ATRNL1: variants seen among roughly 807,000 people sequenced by gnomAD.
ATRNL1 encodes attractin-like protein 1.
ATRNL1 carries 95 observed loss-of-function variants against 182.7 expected under a neutral mutation model. That is an observed-to-expected ratio of 0.52 (90% CI 0.44 to 0.62). The LOEUF (loss-of-function observed/expected upper bound fraction) is 0.62, where lower values mean the gene tolerates loss of function less well. Among genes scored for constraint, ATRNL1 ranks in the 20% least tolerant of loss-of-function variants. The pLI is 0.00. For missense variants in ATRNL1, 1,471 were observed against 1,679.5 expected, an observed-to-expected ratio of 0.88 and a Z score of 2.17; for synonymous variants, 576 against 568.3, an observed-to-expected ratio of 1.01 and a Z score of -0.19.
chr10:115,227,730 G>A (rs1485301085), intron 9 of ATRNL1, among the ~76,000 whole-genome samples: 1 of 152,148 alleles, frequency 6.6e-6, no homozygotes, highest in East Asian at 1.9e-4. Flanking sequence ...GGAATGTTAT[G>A]CAGTCATAAA....
chr10:115,611,796 T>C (rs1389665479), intron 26 of ATRNL1, among the ~76,000 whole-genome samples: 1 of 152,168 alleles, frequency 6.6e-6, no homozygotes, highest in Non-Finnish European at 1.5e-5. Context: ...GTAGGGAATT[T>C]TATTGACGGG....
chr10:115,336,721 T>G (rs1396065733), intron 19 of ATRNL1, among the ~76,000 whole-genome samples: 2 of 152,276 alleles, frequency 1.3e-5, no homozygotes, highest in Non-Finnish European at 2.9e-5. Flanking sequence ...TTACTTAATA[T>G]ATTTCTGTTG....
chr10:115,127,371 G>A (rs1268160069), intron 3 of ATRNL1, among the ~76,000 whole-genome samples: 3 of 152,094 alleles, frequency 2.0e-5, no homozygotes, highest in Non-Finnish European at 4.4e-5. Context: ...AAAAAATGGG[G>A]TACAGTGGCA....
At chr10:115,923,128 T>C (rs1387949036) in intron 28 of ATRNL1, among the ~76,000 whole-genome samples, 3 of 152,202 alleles carry the variant, frequency 2.0e-5, no homozygotes, top group African/African-American at 7.2e-5. Flanking sequence ...GTGTTTCTAA[T>C]GATAGTGAAG....
At chr10:115,852,377 T>C (rs2907531) in intron 28 of ATRNL1, among the ~76,000 whole-genome samples, 117,872 of 152,070 alleles carry the variant, frequency 0.78, 45,748 homozygotes, top group Admixed American at 0.83. Context: ...AGTTTACTCA[T>C]GGTGTCATGG....
At chr10:115,590,863 A>C (rs1229510767) in intron 26 of ATRNL1, among the ~76,000 whole-genome samples, 6 of 152,160 alleles carry the variant, frequency 3.9e-5, no homozygotes, top group African/African-American at 1.4e-4. Flanking sequence ...AGGTTTCACC[A>C]TCCCTCTTCC....
chr10:115,456,585 T>C (rs1055215870), intron 21 of ATRNL1, among the ~76,000 whole-genome samples: 2 of 152,182 alleles, frequency 1.3e-5, no homozygotes, highest in Non-Finnish European at 2.9e-5. Flanking sequence ...TATACCTATG[T>C]TACAAACCTG....
At chr10:115,608,725 A>G (rs1038868884) in intron 26 of ATRNL1, among the ~76,000 whole-genome samples, 2 of 152,088 alleles carry the variant, frequency 1.3e-5, no homozygotes, top group Admixed American at 6.6e-5. Context: ...TTTACCTATT[A>G]TGAAAACGTT....
intron 8 of ATRNL1, among the ~76,000 whole-genome samples, chr10:115,187,568 C>T (rs1480605419): frequency 6.8e-6 from 1 of 146,984 alleles, no homozygotes; most frequent in Non-Finnish European, 1.5e-5. Context: ...ACTCAGTTCA[C>T]AAAATTTAAA....
intron 26 of ATRNL1, among the ~76,000 whole-genome samples, chr10:115,609,759 A>G (rs1450704644): frequency 6.6e-6 from 1 of 152,130 alleles, no homozygotes; most frequent in Non-Finnish European, 1.5e-5. Context: ...TGAGACAGAA[A>G]GGAGTGAATC....
intron 22 of ATRNL1, among the ~76,000 whole-genome samples, chr10:115,463,765 T>TA (rs1430350804): frequency 6.6e-6 from 1 of 152,086 alleles, no homozygotes; most frequent in African/African-American, 2.4e-5. Flanking sequence ...TGTCCTTTTT[T>TA]ATCTGGCTTA....
intron 19 of ATRNL1, among the ~76,000 whole-genome samples, chr10:115,394,319 G>C (rs1554954992): frequency 6.6e-6 from 1 of 151,966 alleles, no homozygotes; most frequent in East Asian, 1.9e-4. Flanking sequence ...CAAGCTGTTT[G>C]AGTACAAAGC....
At chr10:115,441,273 T>TA (rs1479760292) in intron 21 of ATRNL1, among the ~76,000 whole-genome samples, 4 of 151,854 alleles carry the variant, frequency 2.6e-5, no homozygotes, top group African/African-American at 9.7e-5. Flanking sequence ...CTACTCCCCT[T>TA]ATACTTCTCC....
intron 15 of ATRNL1, among the ~76,000 whole-genome samples, chr10:115,297,489 A>C (rs1364976537): frequency 6.6e-6 from 1 of 151,850 alleles, no homozygotes; most frequent in Non-Finnish European, 1.5e-5. Flanking sequence ...AAAAAAATAC[A>C]AAAAAATTAG....
chr10:115,452,933 G>C (rs1847348666), intron 21 of ATRNL1, among the ~76,000 whole-genome samples: 1 of 151,868 alleles, frequency 6.6e-6, no homozygotes, highest in African/African-American at 2.4e-5. Context: ...TATAAATGTG[G>C]GATAATACAA....
intron 26 of ATRNL1, among the ~76,000 whole-genome samples, chr10:115,630,732 CAT>C (rs1452482001): frequency 6.9e-6 from 1 of 144,738 alleles, no homozygotes; most frequent in African/African-American, 2.5e-5. Flanking sequence ...TAATAGATAT[CAT>C]ATATCTATAT....
chr10:115,566,634 A>G (rs1448447166), intron 26 of ATRNL1, among the ~76,000 whole-genome samples: 2 of 152,124 alleles, frequency 1.3e-5, no homozygotes, highest in Non-Finnish European at 2.9e-5. Context: ...TAAGAAAGCT[A>G]AATTATAACC....
intron 19 of ATRNL1, among the ~76,000 whole-genome samples, chr10:115,374,858 T>G (rs1432075550): frequency 6.6e-6 from 1 of 151,990 alleles, no homozygotes; most frequent in Non-Finnish European, 1.5e-5. Context: ...TTCAGTCTTC[T>G]TGAATTTTTA....
chr10:115,806,341 A>G (rs1328566803), intron 27 of ATRNL1, among the ~76,000 whole-genome samples: 1 of 152,176 alleles, frequency 6.6e-6, no homozygotes, highest in Non-Finnish European at 1.5e-5. Context: ...TATTTTTAGT[A>G]TCCAAAGTTA....
Sources: allele counts gnomAD v4.1 joint callset (sites outside exome capture counted in the v4.1 genomes callset), GRCh38; gene constraint gnomAD v4.1.1; transcripts MANE v1.5; gene names NCBI Gene and HGNC (gene_info 2026-07-23, HGNC 2026-07-21).